Variants in ZDHHC22 observed in about 807,000 individuals in gnomAD.
ZDHHC22 encodes zDHHC palmitoyltransferase 22, also known as palmitoyltransferase ZDHHC22.
A neutral mutation model predicts 17.0 loss-of-function variants in ZDHHC22; 13 were observed. That is an observed-to-expected ratio of 0.76 (90% CI 0.50 to 1.21). The LOEUF (loss-of-function observed/expected upper bound fraction) is 1.21. Ranked by LOEUF, ZDHHC22 falls within the 50% of genes most tolerant of loss-of-function variation. The pLI, the probability that ZDHHC22 is intolerant of heterozygous loss-of-function variation, is 0.00. For missense variants in ZDHHC22, 319 were observed against 342.3 expected (o/e 0.93, Z 0.54); for synonymous variants, 138 against 154.7 (o/e 0.89, Z 0.80).
Position 77,133,612 on chromosome 14 carries a change from C to A in ZDHHC22, c.*71G>T. On this transcript the variant is annotated 3_prime_UTR_variant, in exon 3 of 3. Coordinates refer to ENST00000319374, the MANE Select transcript of ZDHHC22 (RefSeq NM_174976.2). The stretch of plus-strand genomic sequence containing the variant: ...GGTTGTAGTGAGTCATGGGTGGAGA[C>A]AAGGCTGCCATGGTTTTATGCTCAG... 1 of 1,552,258 alleles carries A rather than the reference C, an allele frequency of 6.4e-7. No homozygotes were observed. The highest frequency in any genetic ancestry group is 8.7e-7 in the Non-Finnish European group (1 of 1,148,434).
chr14:77,136,240 A>C (rs965954411), intron 2 of ZDHHC22, among the ~76,000 whole-genome samples: 2 of 142,100 alleles, frequency 1.4e-5, no homozygotes, highest in Non-Finnish European at 3.1e-5. Context: ...CCAACTCCAA[A>C]TCTTGGTTTG....
In ZDHHC22 at chr14:77,139,462, TAGG is replaced by T; in HGVS notation, c.274_276del (p.Pro92del). 6.2e-7 allele frequency: 1 copy of T among 1,613,130 alleles called. No homozygotes were observed. Among genetic ancestry groups the T allele is most frequent in the Non-Finnish European group, 8.5e-7 (1 of 1,179,622 alleles). On this transcript the variant is annotated inframe_deletion, in exon 2 of 3. Coordinates refer to ENST00000319374, the MANE Select transcript of ZDHHC22 (RefSeq NM_174976.2). Reference sequence around the variant, plus strand: ...GCGCACACTCGGCAGAAGTGGGTGCTAGGTGAGGGGCATGGAGTCTTCCTGGCC... The same window carrying T: ...GCGCACACTCGGCAGAAGTGGGTGCTTGAGGGGCATGGAGTCTTCCTGGCC...
At chr14:77,138,743 G>A (rs1887185269) in intron 2 of ZDHHC22, among the ~76,000 whole-genome samples, 1 of 152,184 alleles carries the variant, frequency 6.6e-6, no homozygotes, top group Admixed American at 6.5e-5. Flanking sequence ...GAGACCTCTG[G>A]AGAGCAGAGT....
In ZDHHC22 at chr14:77,133,530, C is replaced by T. The variant is rs1308632093; in HGVS notation, c.*153G>A. ...TCCTCCTTGTCATGATCCACCAGCTCACGCTGTTCTCATGGGTGGAAGGTG... is the reference window on the plus strand; with the variant it reads ...TCCTCCTTGTCATGATCCACCAGCTTACGCTGTTCTCATGGGTGGAAGGTG... On this transcript the variant is annotated 3_prime_UTR_variant, in exon 3 of 3. Transcript: ENST00000319374. 1 of 1,065,330 alleles carries T rather than the reference C, an allele frequency of 9.4e-7. No individual in the cohort carries two copies. The highest frequency in any genetic ancestry group is 2.7e-5 in the East Asian group (1 of 37,204). 66.0% of individuals were successfully genotyped at this position (1,065,330 alleles called of 1,614,324 possible). A position where few individuals can be genotyped will look rare whatever the true frequency, so the allele number is the denominator to read the frequency against.
chr14:77,137,246 G>A (rs1452686303), intron 2 of ZDHHC22, among the ~76,000 whole-genome samples: 41 of 152,140 alleles, frequency 2.7e-4, no homozygotes, highest in Admixed American at 2.6e-3. Context: ...AGTCTTGCTC[G>A]CCTGTTTCCA....
At position 77,131,911 on chromosome 14, in the gene ZDHHC22, T is replaced by G; in HGVS notation, c.*1772A>C. ...TATGGGAGGGAGAAATGTGAGCAGG[T>G]GGAGCCAATACTACATTAGCTCTCT... On this transcript the variant is annotated 3_prime_UTR_variant, in exon 3 of 3. Coordinates refer to ENST00000319374, the MANE Select transcript of ZDHHC22 (RefSeq NM_174976.2). 6.6e-6 allele frequency: 1 copy of G among 152,220 alleles called. No homozygotes were observed. Among genetic ancestry groups the G allele is most frequent in the Admixed American group, 6.5e-5 (1 of 15,282 alleles). The allele number at this position is 152,220 out of a possible 1,614,324, so 9.4% of individuals were successfully genotyped here.
Position 77,139,595 on chromosome 14 carries a change from C to A in ZDHHC22, c.144G>T (p.Leu48=). 4.4e-6 allele frequency: 7 copies of A among 1,592,422 alleles called. No individual in the cohort carries two copies. The East Asian group carries it at 1.4e-4, about 31-fold the overall frequency. ...GGAATAGGAAGAGCGCCCCGTGGAG[C>A]AGGGCGGGCGAGAAGAGCCGGGCGG... The part of the protein sequence containing the change: ...PAAARLFSPA[L]LHGALFLFLS... The change falls in exon 2 of 3, where the codon CTG becomes CTT. Residue 48 remains leucine (L), a synonymous_variant. Coordinates refer to ENST00000319374, the MANE Select transcript of ZDHHC22 (RefSeq NM_174976.2).
chr14:77,141,932 C>G (rs1017212167), upstream of ZDHHC22: 1 of 152,510 alleles, frequency 6.6e-6, no homozygotes, highest in African/African-American at 2.4e-5. Context: ...CTTGAGCGGG[C>G]TGGGGCGCCC....
intron 2 of ZDHHC22, among the ~76,000 whole-genome samples, chr14:77,138,115 A>T (rs1230180191): frequency 6.6e-6 from 1 of 152,250 alleles, no homozygotes; most frequent in African/African-American, 2.4e-5. Flanking sequence ...TAAGCCATTC[A>T]GAGTCAAAGG....
chr14:77,136,683 C>T (rs899453715), intron 2 of ZDHHC22, among the ~76,000 whole-genome samples: 2 of 152,226 alleles, frequency 1.3e-5, no homozygotes, highest in African/African-American at 4.8e-5. Flanking sequence ...ACTTTTAGCT[C>T]TCAAGGCCCA....
Position 77,139,663 on chromosome 14 carries a change from G to T in ZDHHC22, c.76C>A (p.Gln26Lys). Residue 26 changes from glutamine (Q) to lysine (K), a missense_variant, in exon 2 of 3, where the codon CAG becomes AAG. Gln to Lys is a moderately conservative substitution (Grantham distance 53). Coordinates refer to ENST00000319374, the MANE Select transcript of ZDHHC22 (RefSeq NM_174976.2). The stretch of plus-strand genomic sequence containing the variant: ...ATGCTGGGCAGGAAGAGGAAGAGCT[G>T]CAGCACGAAGGTCACCAGGGAGATG... ...LCISLVTFVL[Q>K]LFLFLPSMRE... 6.4e-7 allele frequency: 1 copy of T among 1,567,194 alleles called. No individual in the cohort carries two copies.
rs1418211735 is a variant in ZDHHC22, at chr14:77,139,835, T to C, written c.-14-83A>G. On this transcript the variant is annotated intron_variant, in intron 1 of 2. Coordinates refer to ENST00000319374, the MANE Select transcript of ZDHHC22 (RefSeq NM_174976.2). ...CGCCCGCTCCTCCGTGCCGCGCGTC[T>C]GGGGCACTGCACGCGACTCCACGCC... 2.2e-6 allele frequency: 3 copies of C among 1,352,626 alleles called. No individual in the cohort carries two copies. In the East Asian group the frequency reaches 7.6e-5, roughly 34 times the overall value. The allele number at this position is 1,352,626 out of a possible 1,614,324, so 83.8% of individuals were successfully genotyped here.
In ZDHHC22 at chr14:77,133,933, G is replaced by T; in HGVS notation, c.542C>A (p.Ser181Tyr). 6.2e-7 allele frequency: 1 copy of T among 1,600,076 alleles called. No individual in the cohort carries two copies. The highest frequency in any genetic ancestry group is 8.5e-7 in the Non-Finnish European group (1 of 1,172,540). Residue 181 changes from serine to tyrosine, a missense_variant, in exon 3 of 3, where the codon TCT becomes TAT. By Grantham distance (144) the Ser-to-Tyr change is moderately radical. Coordinates refer to ENST00000319374, the MANE Select transcript of ZDHHC22 (RefSeq NM_174976.2). ...GAGCATGAGGATGACGAACATTTCA[G>T]AACCCAGGACAGCTCCTGCAGGGCA... ...SQFFSGAVLG[S>Y]EMFVILMLYL...
At chr14:77,136,786 A>G (rs1887145098) in intron 2 of ZDHHC22, among the ~76,000 whole-genome samples, 1 of 152,012 alleles carries the variant, frequency 6.6e-6, no homozygotes, top group Admixed American at 6.5e-5. Flanking sequence ...TTTTTTCTTG[A>G]GACAGGGTCT....
chr14:77,132,129 A>G lies in ZDHHC22; in HGVS notation c.*1554T>C, dbSNP rs1399412481. 1.3e-5 allele frequency: 2 copies of G among 152,142 alleles called. No homozygotes were observed. The highest frequency in any genetic ancestry group is 2.9e-5 in the Non-Finnish European group (2 of 68,034). The allele number at this position is 152,142 out of a possible 1,614,324, so 9.4% of individuals were successfully genotyped here. A position where few individuals can be genotyped will look rare whatever the true frequency, so the allele number is the denominator to read the frequency against. ...AGGAGGGGGCACTTGTGTTGTCCCTACTCCCTTATATGCCCCAGAGGTCTG... is the reference window on the plus strand; with the variant it reads ...AGGAGGGGGCACTTGTGTTGTCCCTGCTCCCTTATATGCCCCAGAGGTCTG... On this transcript the variant is annotated 3_prime_UTR_variant, in exon 3 of 3. Coordinates refer to ENST00000319374, the MANE Select transcript of ZDHHC22 (RefSeq NM_174976.2).
chr14:77,134,558 A>G (rs996258323), intron 2 of ZDHHC22, among the ~76,000 whole-genome samples: 2 of 152,188 alleles, frequency 1.3e-5, no homozygotes, highest in Non-Finnish European at 2.9e-5. Context: ...ATTAATGTTA[A>G]CAAGAGGACA....
At chr14:77,138,126 C>T (rs909518859) in intron 2 of ZDHHC22, among the ~76,000 whole-genome samples, 2 of 152,120 alleles carry the variant, frequency 1.3e-5, no homozygotes, top group African/African-American at 2.4e-5. Flanking sequence ...GAGTCAAAGG[C>T]CAGGGTAGGG....
chr14:77,139,220 G>T lies in ZDHHC22; in HGVS notation c.519C>A (p.Phe173Leu), dbSNP rs1268445151. Residue 173 changes from phenylalanine to leucine, a missense_variant, in exon 2 of 3, where the codon TTC (phenylalanine) becomes TTA (leucine). Transcript: ENST00000319374. The part of the protein sequence containing the change: ...LTLLPTSISQ[F>L]FSGAVLGSEM... ...CCGCCAAGGCCCACTCACCGGAGAA[G>T]AACTGGCTGATGGAGGTGGGCAGGA... 1 of 1,578,652 alleles carries T rather than the reference G, an allele frequency of 6.3e-7. No homozygotes were observed. The highest frequency in any genetic ancestry group is 8.6e-7 in the Non-Finnish European group (1 of 1,162,176).
chr14:77,138,665 G>A (rs1199120797), intron 2 of ZDHHC22, among the ~76,000 whole-genome samples: 1 of 152,334 alleles, frequency 6.6e-6, no homozygotes, highest in East Asian at 1.9e-4. Flanking sequence ...TAATAGGCAG[G>A]AGGACAGAGC....
Sources: gnomAD v4.1 joint callset for allele counts (sites outside exome capture counted in the v4.1 genomes callset) on GRCh38, gnomAD v4.1.1 for gene constraint, MANE v1.5 for transcripts, NCBI Gene and HGNC (gene_info 2026-07-23, HGNC 2026-07-21) for gene names.